RAB30: variants seen among roughly 807,000 people sequenced by gnomAD.
RAB30 encodes ras-related protein Rab-30.
Under a neutral mutation model 25.1 loss-of-function variants are expected in RAB30, and 9 were observed. The ratio of observed to expected loss-of-function variants is 0.36; its 90% confidence interval spans 0.22 to 0.63. The LOEUF (loss-of-function observed/expected upper bound fraction) is 0.63, where lower values mean the gene tolerates loss of function less well. Ranked by LOEUF, RAB30 falls within the 20% of genes least tolerant of loss-of-function variation. RAB30 has a pLI of 0.69. For synonymous variants in RAB30, 77 were observed against 86.4 expected, an observed-to-expected ratio of 0.89 and a Z score of 0.60; for missense variants, 140 against 243.5, an observed-to-expected ratio of 0.58 and a Z score of 2.83.
At position 82,977,174 on chromosome 11, in the gene RAB30, A is replaced by T. The variant is rs545544456; in HGVS notation, c.*4991T>A. The T allele has an allele frequency of 6.6e-6, 1 of 152,236 alleles. No homozygotes were observed. The highest frequency in any genetic ancestry group is 6.5e-5 in the Admixed American group (1 of 15,278). 9.4% of individuals were successfully genotyped at this position (152,236 alleles called of 1,614,324 possible). ...AGCAAGTGATAAATGAATATACTTCATGTAACTTCTACTAAAACAATACCT... is the reference window on the plus strand; with the variant it reads ...AGCAAGTGATAAATGAATATACTTCTTGTAACTTCTACTAAAACAATACCT... On this transcript the variant is annotated 3_prime_UTR_variant, in exon 5 of 5. Transcript: ENST00000527633.
intron 1 of RAB30, among the ~76,000 whole-genome samples, chr11:83,057,819 C>A (rs1297893026): frequency 1.3e-5 from 2 of 152,172 alleles, no homozygotes; most frequent in Non-Finnish European, 2.9e-5. Flanking sequence ...ATTCGTCAGA[C>A]CATGAATTCC....
At position 82,994,108 on chromosome 11, in the gene RAB30, TG is replaced by T. The variant is rs1565269818; in HGVS notation, c.107del (p.Pro36GlnfsTer12). ...VRRFTQGLFP[P>X]GQGATIGVDF... ...CAACTCCAATTGTGGCTCCTTGACCTGGGGGGAAAAGACCCTGAAGAAGAAA... is the reference window on the plus strand; with the variant it reads ...CAACTCCAATTGTGGCTCCTTGACCTGGGGGAAAAGACCCTGAAGAAGAAA... On this transcript the variant is annotated frameshift_variant, in exon 3 of 5. Transcript: ENST00000527633. LOFTEE classifies it high-confidence loss of function. 1.2e-6 allele frequency: 2 copies of T among 1,608,802 alleles called. No individual in the cohort carries two copies. Among genetic ancestry groups the T allele is most frequent in the Non-Finnish European group, 1.7e-6 (2 of 1,175,390 alleles).
At position 82,981,994 on chromosome 11, in the gene RAB30, C is replaced by A; in HGVS notation, c.*171G>T. Reference sequence around the variant, plus strand: ...AAGGGTGAAACCATTATATGTTCTGCTAATGCTGGCCTGTGGTCGAGGCCC... The same window carrying A: ...AAGGGTGAAACCATTATATGTTCTGATAATGCTGGCCTGTGGTCGAGGCCC... On this transcript the variant is annotated 3_prime_UTR_variant, in exon 5 of 5. Coordinates refer to ENST00000527633, the MANE Select transcript of RAB30 (RefSeq NM_001286060.2). 1.2e-6 allele frequency: 1 copy of A among 820,486 alleles called. No homozygotes were observed. Among genetic ancestry groups the A allele is most frequent in the Non-Finnish European group, 1.9e-6 (1 of 525,424 alleles). The allele number at this position is 820,486 out of a possible 1,614,324, so 50.8% of individuals were successfully genotyped here.
At chr11:83,044,809 G>A in intron 1 of RAB30, among the ~76,000 whole-genome samples, 1 of 152,074 alleles carries the variant, frequency 6.6e-6, no homozygotes, top group Non-Finnish European at 1.5e-5. Flanking sequence ...ACAAACCCCA[G>A]GATGCTTCAG....
chr11:83,030,751 C>A (rs901775143), intron 1 of RAB30, among the ~76,000 whole-genome samples: 1 of 150,966 alleles, frequency 6.6e-6, no homozygotes, highest in African/African-American at 2.4e-5. Context: ...GAGCTGAGAT[C>A]GTGCCATTGC....
At chr11:83,047,434 T>C (rs1858256943) in intron 1 of RAB30, among the ~76,000 whole-genome samples, 1 of 152,192 alleles carries the variant, frequency 6.6e-6, no homozygotes. Flanking sequence ...ATAAATTCCA[T>C]CCACAATAAG....
chr11:83,070,882 A>AGTAGT (rs1260092770), intron 1 of RAB30, among the ~76,000 whole-genome samples: 1 of 152,238 alleles, frequency 6.6e-6, no homozygotes, highest in Non-Finnish European at 1.5e-5. Context: ...GTTATTTGTG[A>AGTAGT]GTAGTGACTA....
At chr11:83,001,542 G>A (rs1857086330) in intron 1 of RAB30, among the ~76,000 whole-genome samples, 1 of 152,178 alleles carries the variant, frequency 6.6e-6, no homozygotes, top group South Asian at 2.1e-4. Flanking sequence ...GGCTGTCTAT[G>A]TGTAAAGCTG....
chr11:83,053,067 C>A (rs1435390528), intron 1 of RAB30, among the ~76,000 whole-genome samples: 1 of 152,206 alleles, frequency 6.6e-6, no homozygotes, highest in East Asian at 1.9e-4. Context: ...CTGGCCTCCC[C>A]TAACTATCAT....
intron 1 of RAB30, among the ~76,000 whole-genome samples, chr11:83,068,804 C>T (rs1163526036): frequency 1.3e-5 from 2 of 152,236 alleles, no homozygotes; most frequent in Non-Finnish European, 2.9e-5. Flanking sequence ...TGAAGTGTCA[C>T]TTCCTATAGG....
At chr11:83,005,168 C>T (rs1857159648) in intron 1 of RAB30, among the ~76,000 whole-genome samples, 1 of 152,160 alleles carries the variant, frequency 6.6e-6, no homozygotes, top group Non-Finnish European at 1.5e-5. Context: ...CAAGAGAAAG[C>T]TCTAATCATT....
intron 1 of RAB30, among the ~76,000 whole-genome samples, chr11:83,058,291 T>G (rs1858496830): frequency 6.6e-6 from 1 of 152,208 alleles, no homozygotes; most frequent in Non-Finnish European, 1.5e-5. Flanking sequence ...TTATCTAATC[T>G]CAACCCTTAT....
At chr11:82,993,260 G>A (rs553693799) in intron 3 of RAB30, among the ~76,000 whole-genome samples, 3 of 152,280 alleles carry the variant, frequency 2.0e-5, no homozygotes, top group Admixed American at 2.0e-4. Context: ...GGGTGTACTG[G>A]TTGGTGAAAT....
At position 83,047,523 on chromosome 11, in the gene RAB30, G is replaced by T. The variant is rs539293740; in HGVS notation, c.-9+24168C>A. ...TAAAAATACACGATACCAAAACAAGGAATTCAAATATTTATGTCAGGGCAA... is the reference window on the plus strand; with the variant it reads ...TAAAAATACACGATACCAAAACAAGTAATTCAAATATTTATGTCAGGGCAA... On this transcript the variant is annotated intron_variant, in intron 1 of 4. Transcript: ENST00000527633. Among the ~76,000 whole-genome samples, 3 of 152,040 alleles carry T rather than the reference G, an allele frequency of 2.0e-5. No individual in the cohort carries two copies. The South Asian group carries it at 6.2e-4, about 32-fold the overall frequency.
chr11:82,984,145 C>T (rs1856694087), intron 4 of RAB30, among the ~76,000 whole-genome samples: 6 of 152,156 alleles, frequency 3.9e-5, no homozygotes. Context: ...TATTATCTGG[C>T]AACACCGCTT....
intron 1 of RAB30, among the ~76,000 whole-genome samples, chr11:83,039,837 A>G (rs750480157): frequency 6.6e-6 from 1 of 152,214 alleles, no homozygotes; most frequent in Non-Finnish European, 1.5e-5. Flanking sequence ...GGCCGACTTA[A>G]TAAGTAGGAG....
At chr11:82,987,904 CTA>C (rs1491463560) in intron 3 of RAB30, 134 bp from the exon 4 acceptor site, 32 of 81,822 alleles carry the variant, frequency 3.9e-4, no homozygotes, top group Non-Finnish European at 4.8e-4. Context: ...ATTTTCTGCC[CTA>C]AAAAAAAAAA....
intron 1 of RAB30, among the ~76,000 whole-genome samples, chr11:83,066,263 G>A (rs1203780721): frequency 6.6e-6 from 1 of 152,092 alleles, no homozygotes; most frequent in Non-Finnish European, 1.5e-5. Context: ...TTTTCATAAA[G>A]CTAAATATAT....
At chr11:83,034,984 T>C (rs541966453) in intron 1 of RAB30, among the ~76,000 whole-genome samples, 2 of 151,956 alleles carry the variant, frequency 1.3e-5, no homozygotes, top group South Asian at 4.2e-4. Context: ...TCCTGACTAA[T>C]AAAAAGAATG....
Sources: allele counts gnomAD v4.1 joint callset (sites outside exome capture counted in the v4.1 genomes callset), GRCh38; gene constraint gnomAD v4.1.1; transcripts MANE v1.5; gene names NCBI Gene and HGNC (gene_info 2026-07-23, HGNC 2026-07-21).